Variants in MTMR2 observed in about 807,000 individuals in gnomAD.
The protein encoded by MTMR2 is myotubularin related protein 2, also known as phosphatidylinositol-3,5-bisphosphate 3-phosphatase MTMR2.
MTMR2 carries 55 observed loss-of-function variants against 86.9 expected under a neutral mutation model. The observed-to-expected ratio is 0.63, with a 90% CI of 0.51 to 0.79. The LOEUF (loss-of-function observed/expected upper bound fraction) is 0.79. MTMR2 is among the 30% of genes least tolerant of loss of function. MTMR2 has a pLI of 0.00. For synonymous variants in MTMR2, 241 were observed against 266.8 expected (o/e 0.90, Z 0.94); for missense variants, 659 against 772.3 (o/e 0.85, Z 1.74).
intron 7 of MTMR2, among the ~76,000 whole-genome samples, chr11:95,853,890 C>G (rs187413512): frequency 5.3e-5 from 8 of 152,196 alleles, no homozygotes; most frequent in African/African-American, 1.7e-4. Context: ...AGCTAAAGGT[C>G]AGATCACTTG....
In MTMR2 at chr11:95,888,048, A is replaced by G. The variant is rs1234245895; in HGVS notation, c.186+108T>C. ...TGGGATATTTTGTAGACCGGGATCT[A>G]TGAGAATACTCCATCAGTATCTCCT... On this transcript the variant is annotated intron_variant, in intron 2 of 14. Transcript: ENST00000346299. The G allele has an allele frequency of 1.1e-5, 9 of 830,184 alleles. No homozygotes were observed. In the East Asian group the frequency reaches 1.9e-4, roughly 17 times the overall value. The allele number at this position is 830,184 out of a possible 1,614,324, so 51.4% of individuals were successfully genotyped here.
At chr11:95,895,877 T>C (rs1865863613) in intron 1 of MTMR2, among the ~76,000 whole-genome samples, 2 of 152,292 alleles carry the variant, frequency 1.3e-5, no homozygotes, top group East Asian at 1.9e-4. Flanking sequence ...TGAATGTTCA[T>C]AGCAGCATTA....
At chr11:95,885,430 TTA>T (rs1591022580) in intron 2 of MTMR2, among the ~76,000 whole-genome samples, 1 of 152,144 alleles carries the variant, frequency 6.6e-6, no homozygotes, top group East Asian at 1.9e-4. Flanking sequence ...GAAATATATA[TTA>T]TGAGTCTGGA....
rs1057341279 is a variant in MTMR2, at chr11:95,924,038, A to G, written c.-84T>C. 8.0e-5 allele frequency: 122 copies of G among 1,517,782 alleles called. 2 individuals carry two copies. The Admixed American group carries it at 1.1e-3, about 14-fold the overall frequency. The allele number at this position is 1,517,782 out of a possible 1,614,324, so 94.0% of individuals were successfully genotyped here. A position where few individuals can be genotyped will look rare whatever the true frequency, so the allele number is the denominator to read the frequency against. Reference sequence around the variant, plus strand: ...AGAAGCGGAGGGCGGAGTGCTACGGACCGGGGCCGCAGTCAGGCCAGCGCC... The same window carrying G: ...AGAAGCGGAGGGCGGAGTGCTACGGGCCGGGGCCGCAGTCAGGCCAGCGCC... On this transcript the variant is annotated 5_prime_UTR_variant, in exon 1 of 15. Coordinates refer to ENST00000346299, the MANE Select transcript of MTMR2 (RefSeq NM_016156.6).
intron 7 of MTMR2, among the ~76,000 whole-genome samples, chr11:95,851,965 G>T (rs1468415223): frequency 6.6e-6 from 1 of 152,138 alleles, no homozygotes; most frequent in African/African-American, 2.4e-5. Flanking sequence ...TTCACATATA[G>T]GATTAATAAA....
At chr11:95,870,190 T>C (rs914154832) in intron 2 of MTMR2, among the ~76,000 whole-genome samples, 3 of 152,072 alleles carry the variant, frequency 2.0e-5, no homozygotes. Context: ...AGATGATGGA[T>C]GTCAGATAAA....
At chr11:95,899,870 C>T (rs1176586684) in intron 1 of MTMR2, among the ~76,000 whole-genome samples, 1 of 152,026 alleles carries the variant, frequency 6.6e-6, no homozygotes, top group Non-Finnish European at 1.5e-5. Context: ...AGCTATGTTC[C>T]GTGAATAAAC....
intron 1 of MTMR2, among the ~76,000 whole-genome samples, chr11:95,895,406 AGG>A (rs1287647887): frequency 6.6e-6 from 1 of 152,084 alleles, no homozygotes; most frequent in East Asian, 1.9e-4. Context: ...GTAAAAATAA[AGG>A]GCTTGAGAAA....
chr11:95,911,148 A>G (rs1369852828), intron 1 of MTMR2, among the ~76,000 whole-genome samples: 1 of 152,194 alleles, frequency 6.6e-6, no homozygotes, highest in Non-Finnish European at 1.5e-5. Context: ...CTTCCGAGAA[A>G]CAAAGGAGAT....
At chr11:95,876,634 T>C (rs1026683393) in intron 2 of MTMR2, among the ~76,000 whole-genome samples, 3 of 152,202 alleles carry the variant, frequency 2.0e-5, no homozygotes, top group African/African-American at 7.2e-5. Flanking sequence ...TTATTAAAAC[T>C]CTTACTTCAA....
chr11:95,837,052 C>CA (rs1428642311), intron 13 of MTMR2, among the ~76,000 whole-genome samples: 1 of 151,928 alleles, frequency 6.6e-6, no homozygotes, highest in Non-Finnish European at 1.5e-5. Flanking sequence ...CCAAGGCTCT[C>CA]AAAAAATAAA....
intron 10 of MTMR2, among the ~76,000 whole-genome samples, chr11:95,846,880 T>C (rs1863816196): frequency 6.6e-6 from 1 of 152,126 alleles, no homozygotes; most frequent in Admixed American, 6.6e-5. Context: ...ATAGTAAAAA[T>C]GGTCTATTTA....
intron 2 of MTMR2, among the ~76,000 whole-genome samples, chr11:95,872,825 C>G (rs1209743395): frequency 3.3e-5 from 5 of 152,066 alleles, no homozygotes; most frequent in South Asian, 2.1e-4. Flanking sequence ...TAGCATGAAG[C>G]GTTGTTGAAT....
intron 7 of MTMR2, among the ~76,000 whole-genome samples, chr11:95,854,927 A>G (rs1864155513): frequency 6.6e-6 from 1 of 150,778 alleles, no homozygotes; most frequent in African/African-American, 2.4e-5. Flanking sequence ...TCCTGCCTCA[A>G]CCCCCCTGGA....
In MTMR2 at chr11:95,833,025, A is replaced by T. The variant is rs1863091970; in HGVS notation, c.*2265T>A. On this transcript the variant is annotated 3_prime_UTR_variant, in exon 15 of 15. Coordinates refer to ENST00000346299, the MANE Select transcript of MTMR2 (RefSeq NM_016156.6). ...ACACAGTGCTATGGGGGCACAGAGG[A>T]AGGTGGGGATGTCAGAGAAGGCAGT... 6.6e-6 allele frequency: 1 copy of T among 152,224 alleles called. No individual in the cohort carries two copies. The highest frequency in any genetic ancestry group is 2.4e-5 in the African/African-American group (1 of 41,432). The allele number at this position is 152,224 out of a possible 1,614,324, so 9.4% of individuals were successfully genotyped here. A position where few individuals can be genotyped will look rare whatever the true frequency, so the allele number is the denominator to read the frequency against.
intron 12 of MTMR2, among the ~76,000 whole-genome samples, chr11:95,840,666 C>T (rs1055380886): frequency 1.3e-5 from 2 of 152,084 alleles, no homozygotes; most frequent in Admixed American, 6.6e-5. Flanking sequence ...AGTAGAAATG[C>T]TTATGGAGGC....
chr11:95,877,861 T>A (rs1047331146), intron 2 of MTMR2, among the ~76,000 whole-genome samples: 1 of 152,186 alleles, frequency 6.6e-6, no homozygotes, highest in African/African-American at 2.4e-5. Flanking sequence ...TGCTAACACC[T>A]TGATTTCTGA....
At chr11:95,850,554 T>C (rs374747426) in intron 8 of MTMR2, 46 bp downstream of exon 8, 2 of 1,584,874 alleles carry the variant, frequency 1.3e-6, no homozygotes, top group Non-Finnish European at 1.7e-6. Flanking sequence ...AGCATTATGT[T>C]GAGTAAAAAA....
chr11:95,842,855 T>C (rs1430180322), intron 11 of MTMR2, among the ~76,000 whole-genome samples: 2 of 152,158 alleles, frequency 1.3e-5, no homozygotes, highest in Non-Finnish European at 2.9e-5. Context: ...AGAAAAAAAG[T>C]CCATTTCTCT....
Sources: allele counts gnomAD v4.1 joint callset (sites outside exome capture counted in the v4.1 genomes callset), GRCh38; gene constraint gnomAD v4.1.1; transcripts MANE v1.5; gene names NCBI Gene and HGNC (gene_info 2026-07-23, HGNC 2026-07-21).